ATRNL1: variants seen among roughly 807,000 people sequenced by gnomAD.
The protein encoded by ATRNL1 is attractin like 1.
Under a neutral mutation model 182.7 loss-of-function variants are expected in ATRNL1, and 95 were observed. That is an observed-to-expected ratio of 0.52 (90% CI 0.44 to 0.62). The LOEUF (loss-of-function observed/expected upper bound fraction) is 0.62, where lower values mean the gene tolerates loss of function less well. Among genes scored for constraint, ATRNL1 ranks in the 20% least tolerant of loss-of-function variants. The pLI is 0.00. For missense variants in ATRNL1, 1,471 were observed against 1,679.5 expected (o/e 0.88, Z 2.17); for synonymous variants, 576 against 568.3 (o/e 1.01, Z -0.19).
At chr10:115,344,937 A>G (rs542237611) in intron 19 of ATRNL1, among the ~76,000 whole-genome samples, 2 of 152,312 alleles carry the variant, frequency 1.3e-5, no homozygotes, top group African/African-American at 4.8e-5. Flanking sequence ...TCTGGAAGCT[A>G]AGACCTGGAA....
Position 115,766,829 on chromosome 10 carries a change from C to A in ATRNL1, c.3903+39474C>A, listed in dbSNP as rs79185871. On this transcript the variant is annotated intron_variant, in intron 27 of 28. Coordinates refer to ENST00000355044, the MANE Select transcript of ATRNL1 (RefSeq NM_207303.4). ...TCTTCTCTAGAATTATATCAACTGGCCTTGATTAATGAACAAAATTTGGAG... is the reference window on the plus strand; with the variant it reads ...TCTTCTCTAGAATTATATCAACTGGACTTGATTAATGAACAAAATTTGGAG... Among the ~76,000 whole-genome samples, 1,133 of 152,194 alleles carry A rather than the reference C, an allele frequency of 7.4e-3. 16 individuals carry two copies. The highest frequency in any genetic ancestry group is 0.026 in the African/African-American group (1,080 of 41,536).
chr10:115,849,097 CAG>C (rs2134359177), intron 28 of ATRNL1, among the ~76,000 whole-genome samples: 1 of 152,272 alleles, frequency 6.6e-6, no homozygotes, highest in Admixed American at 6.5e-5. Context: ...TATATGGGAG[CAG>C]AGAGTTTCCA....
rs868990577 is a variant in ATRNL1 at position 115,445,425 on chromosome 10, C to T, written c.3323-16516C>T. 4.0e-3 allele frequency among the ~76,000 whole-genome samples: 379 copies of T among 94,540 alleles called. 3 individuals are homozygous for T. Among genetic ancestry groups the T allele is most frequent in the African/African-American group, 0.015 (357 of 23,502 alleles). 62.0% of individuals were successfully genotyped at this position (94,540 alleles called of 152,430 possible). ...CAGCCTGGGTGACAGAGTGAGATTT[C>T]GCCTCAAAAAAAAAAAAAAAAAAAA... is the stretch of plus-strand genomic sequence containing the variant. On this transcript the variant is annotated intron_variant, in intron 21 of 28. Coordinates refer to ENST00000355044, the MANE Select transcript of ATRNL1 (RefSeq NM_207303.4).
At chr10:115,206,596 A>G (rs1179140289) in intron 8 of ATRNL1, among the ~76,000 whole-genome samples, 1 of 152,136 alleles carries the variant, frequency 6.6e-6, no homozygotes, top group Non-Finnish European at 1.5e-5. Context: ...CATTTTAGAG[A>G]GATAAAAATG....
intron 27 of ATRNL1, among the ~76,000 whole-genome samples, chr10:115,845,592 G>A (rs953632046): frequency 1.3e-5 from 2 of 152,010 alleles, no homozygotes; most frequent in African/African-American, 2.4e-5. Context: ...TCAAATTGAT[G>A]TACTACTGAA....
At chr10:115,281,529 G>T (rs782713772) in intron 14 of ATRNL1, 42 bp downstream of exon 14, 2 of 1,573,726 alleles carry the variant, frequency 1.3e-6, no homozygotes, top group Non-Finnish European at 1.7e-6. Context: ...ATGGTCTACA[G>T]ATAAATACTG....
chr10:115,713,424 C>G (rs975286282), intron 26 of ATRNL1, among the ~76,000 whole-genome samples: 4 of 97,272 alleles, frequency 4.1e-5, no homozygotes, highest in African/African-American at 1.4e-4. Flanking sequence ...AAAAACAAAA[C>G]AAGGAAGAGG....
chr10:115,336,803 A>T (rs1855499142), intron 19 of ATRNL1, among the ~76,000 whole-genome samples: 1 of 152,122 alleles, frequency 6.6e-6, no homozygotes, highest in Non-Finnish European at 1.5e-5. Flanking sequence ...AAACCCACAT[A>T]ACAGACACTT....
intron 27 of ATRNL1, among the ~76,000 whole-genome samples, chr10:115,789,228 A>G (rs1468780367): frequency 6.6e-6 from 1 of 152,194 alleles, no homozygotes; most frequent in Admixed American, 6.5e-5. Flanking sequence ...TTATTACCCA[A>G]GTATTTATCC....
intron 15 of ATRNL1, among the ~76,000 whole-genome samples, chr10:115,298,413 T>G (rs1433279548): frequency 6.6e-6 from 1 of 152,198 alleles, no homozygotes; most frequent in Admixed American, 6.5e-5. Context: ...TCCATTTTTC[T>G]GTTTTCCTCC....
At chr10:115,937,429 T>A (rs1953594630) in intron 28 of ATRNL1, among the ~76,000 whole-genome samples, 1 of 150,714 alleles carries the variant, frequency 6.6e-6, no homozygotes, top group Admixed American at 6.6e-5. Flanking sequence ...GCACTTGAAG[T>A]TTTTCCATTT....
chr10:115,153,172 A>G lies in ATRNL1; in HGVS notation c.830-6868A>G, dbSNP rs538356384. Among the ~76,000 whole-genome samples the G allele has an allele frequency of 3.0e-4, 45 of 152,208 alleles. No individual in the cohort carries two copies. In the East Asian group the frequency reaches 6.2e-3, roughly 21 times the overall value. ...ATATTCATCAGAGATATTGGTCTAAAATTCTCTTTTTTTGTTGTGTCTCTG... is the reference window on the plus strand; with the variant it reads ...ATATTCATCAGAGATATTGGTCTAAGATTCTCTTTTTTTGTTGTGTCTCTG... On this transcript the variant is annotated intron_variant, in intron 5 of 28. Transcript: ENST00000355044.
At chr10:115,655,564 A>G (rs996871282) in intron 26 of ATRNL1, among the ~76,000 whole-genome samples, 5 of 152,174 alleles carry the variant, frequency 3.3e-5, no homozygotes, top group Non-Finnish European at 5.9e-5. Flanking sequence ...TTTCTGTGAT[A>G]TGCATGTTGA....
chr10:115,129,384 T>C lies in ATRNL1; in HGVS notation c.678T>C (p.Ser226=), dbSNP rs782095260. 24 of 1,614,068 alleles carry C rather than the reference T, an allele frequency of 1.5e-5. No individual in the cohort carries two copies. The highest frequency in any genetic ancestry group is 1.9e-5 in the Non-Finnish European group (23 of 1,179,896). ...ATGGGAAGTGTACAACTAGTGTCTCTGTTCCAAGTCAAGTATATTGTGAAT... is the reference window on the plus strand; with the variant it reads ...ATGGGAAGTGTACAACTAGTGTCTCCGTTCCAAGTCAAGTATATTGTGAAT... ...SGHGKCTTSV[S]VPSQVYCECD... Residue 226 remains serine (S), a synonymous_variant, in exon 5 of 29, where the codon TCT becomes TCC. Coordinates refer to ENST00000355044, the MANE Select transcript of ATRNL1 (RefSeq NM_207303.4).
chr10:115,884,498 A>G (rs1314648345), intron 28 of ATRNL1, among the ~76,000 whole-genome samples: 1 of 152,222 alleles, frequency 6.6e-6, no homozygotes, highest in Admixed American at 6.5e-5. Flanking sequence ...GTCTCTCTCT[A>G]AATATCTAAT....
intron 26 of ATRNL1, among the ~76,000 whole-genome samples, chr10:115,672,829 T>A (rs1004817112): frequency 1.3e-5 from 2 of 152,072 alleles, no homozygotes; most frequent in African/African-American, 4.8e-5. Context: ...AAGAAATTCC[T>A]TTCTGAATAT....
intron 1 of ATRNL1, among the ~76,000 whole-genome samples, chr10:115,101,984 A>C (rs146264994): frequency 1.3e-5 from 2 of 152,126 alleles, no homozygotes; most frequent in African/African-American, 4.8e-5. Flanking sequence ...GTATTCTTCT[A>C]TTGATGGGTG....
intron 9 of ATRNL1, among the ~76,000 whole-genome samples, chr10:115,230,870 TGAGAGAGAGAGAGAGAGAGAGAGAGA>T (rs1169884107): frequency 2.1e-4 from 18 of 83,738 alleles, no homozygotes; most frequent in East Asian, 1.4e-3. Flanking sequence ...ATAGAGTGGA[TGAGAGAGAGAGAGAGAGAGAGAGAGA>T]GAGAGAGAGA....
At chr10:115,580,709 T>C (rs1555007011) in intron 26 of ATRNL1, among the ~76,000 whole-genome samples, 1 of 151,856 alleles carries the variant, frequency 6.6e-6, no homozygotes, top group African/African-American at 2.4e-5. Context: ...CTCTTTCTCA[T>C]CCTCCTATAA....
Sources: allele counts gnomAD v4.1 joint callset (sites outside exome capture counted in the v4.1 genomes callset), GRCh38; gene constraint gnomAD v4.1.1; transcripts MANE v1.5; gene names NCBI Gene and HGNC (gene_info 2026-07-23, HGNC 2026-07-21).